The following ST18 variants were observed in gnomAD, a reference collection of about 807,000 sequenced individuals.
The protein encoded by ST18 is suppression of tumorigenicity 18 protein.
In ST18, 50 loss-of-function variants were observed where a neutral mutation model predicts 110.0. The observed-to-expected ratio is 0.45, with a 90% CI of 0.36 to 0.58. The LOEUF (loss-of-function observed/expected upper bound fraction) is 0.58, where lower values mean the gene tolerates loss of function less well. ST18 is among the 20% of genes least tolerant of loss of function. The probability of loss-of-function intolerance (pLI) is 0.00; values close to 1 mark genes in which losing one functional copy is unlikely to be tolerated. For synonymous variants in ST18, 461 were observed against 452.4 expected (o/e 1.02, Z -0.24); for missense variants, 1,306 against 1,280.1 (o/e 1.02, Z -0.31).
chr8:52,402,830 G>T (rs1843201643), intron 2 of ST18, among the ~76,000 whole-genome samples: 1 of 152,184 alleles, frequency 6.6e-6, no homozygotes, highest in South Asian at 2.1e-4. Context: ...CAGCTGTTCA[G>T]CCCAGGGGTG....
Position 52,217,842 on chromosome 8 carries a change from A to G in ST18, c.-97T>C, listed in dbSNP as rs1159509331. On this transcript the variant is annotated 5_prime_UTR_variant, in exon 6 of 26. The change abolishes an upstream ATG in the 5' untranslated region. Coordinates refer to ENST00000689386, the MANE Select transcript of ST18 (RefSeq NM_001352837.2). ...GGGGCAATAAGCAGGTCTCTTCCAC[A>G]TCGCCCCAGTGCACAGATCTGGTAC... 1 of 152,330 alleles carries G rather than the reference A, an allele frequency of 6.6e-6. No homozygotes were observed. Among genetic ancestry groups the G allele is most frequent in the South Asian group, 2.1e-4 (1 of 4,822 alleles). The allele number at this position is 152,330 out of a possible 1,614,324, so 9.4% of individuals were successfully genotyped here. A position where few individuals can be genotyped will look rare whatever the true frequency, so the allele number is the denominator to read the frequency against.
At chr8:52,339,871 C>T (rs929572806) in intron 2 of ST18, among the ~76,000 whole-genome samples, 7 of 152,218 alleles carry the variant, frequency 4.6e-5, no homozygotes, top group East Asian at 1.9e-4. Flanking sequence ...TCTCTTCCCA[C>T]GCCTATTAAG....
At chr8:52,232,505 A>G (rs1018705006) in intron 2 of ST18, among the ~76,000 whole-genome samples, 1 of 152,192 alleles carries the variant, frequency 6.6e-6, no homozygotes, top group Non-Finnish European at 1.5e-5. Context: ...TATCAGCCCT[A>G]GTAAATTCTG....
chr8:52,356,750 T>C (rs1412494505), intron 2 of ST18, among the ~76,000 whole-genome samples: 1 of 151,930 alleles, frequency 6.6e-6, no homozygotes, highest in African/African-American at 2.4e-5. Context: ...AAGATAAAAA[T>C]GCCTCACCAA....
chr8:52,209,887 A>T, intron 8 of ST18: 1 of 332,884 alleles, frequency 3.0e-6, no homozygotes, highest in East Asian at 7.4e-5. Context: ...AGCACAGTAA[A>T]CATTTCTTCC....
At chr8:52,296,357 CA>C (rs1437846026) in intron 2 of ST18, 5 of 152,158 alleles carry the variant, frequency 3.3e-5, no homozygotes, top group Non-Finnish European at 1.5e-5. Context: ...TTCTTTGGCC[CA>C]AAGTGCTTTT....
chr8:52,290,258 A>G (rs148528658), intron 2 of ST18, among the ~76,000 whole-genome samples: 100 of 152,218 alleles, frequency 6.6e-4, no homozygotes, highest in African/African-American at 2.3e-3. Context: ...TCTCCTTGAT[A>G]AGTATCCTTA....
chr8:52,110,918 T>G lies in ST18; in HGVS notation c.*2280A>C. Reference sequence around the variant, plus strand: ...TTTGTTGCTTTGATGTAAGAAATATTAAGTGTTTGGAGAAACAGTATACAA... The same window carrying G: ...TTTGTTGCTTTGATGTAAGAAATATGAAGTGTTTGGAGAAACAGTATACAA... On this transcript the variant is annotated 3_prime_UTR_variant, in exon 26 of 26. Transcript: ENST00000689386. 1 of 396,042 alleles carries G rather than the reference T, an allele frequency of 2.5e-6. No individual in the cohort carries two copies. The allele number at this position is 396,042 out of a possible 1,614,324, so 24.5% of individuals were successfully genotyped here. A position where few individuals can be genotyped will look rare whatever the true frequency, so the allele number is the denominator to read the frequency against.
intron 2 of ST18, among the ~76,000 whole-genome samples, chr8:52,322,680 G>A (rs552936545): frequency 6.6e-6 from 1 of 152,248 alleles, no homozygotes; most frequent in African/African-American, 2.4e-5. Context: ...TTCACGTGAA[G>A]GCATTTCTTT....
intron 8 of ST18, among the ~76,000 whole-genome samples, chr8:52,184,862 A>T (rs1350392806): frequency 2.0e-5 from 3 of 152,184 alleles, no homozygotes; most frequent in Non-Finnish European, 4.4e-5. Context: ...TTCATGGAAA[A>T]TTCATAGCAG....
Position 52,158,982 on chromosome 8 carries a change from T to C in ST18, c.1722A>G (p.Ala574=). ...TGGAAAGGTTCAGGATGGCAGCAGC[T>C]GCTGCTATGTGGGTGTCTTCACTAC... ...GQCSEDTHIA[A]AAAILNLSTR... The change falls in exon 15 of 26, where the codon GCA becomes GCG. Residue 574 remains alanine (A), a synonymous_variant. Transcript: ENST00000689386. 6.2e-7 allele frequency: 1 copy of C among 1,614,112 alleles called. No individual in the cohort carries two copies. The highest frequency in any genetic ancestry group is 8.5e-7 in the Non-Finnish European group (1 of 1,179,970).
At chr8:52,123,775 G>T (rs2045932005) in intron 23 of ST18, among the ~76,000 whole-genome samples, 1 of 152,212 alleles carries the variant, frequency 6.6e-6, no homozygotes, top group Non-Finnish European at 1.5e-5. Context: ...CAAGTCTATT[G>T]TGGGTTCAGA....
intron 23 of ST18, chr8:52,125,758 G>C (rs994384620): frequency 6.8e-5 from 21 of 308,330 alleles, no homozygotes; most frequent in African/African-American, 4.5e-4. Flanking sequence ...CCAAAGTGCT[G>C]GGATTACAGG....
chr8:52,294,899 T>A (rs187118057), intron 2 of ST18, among the ~76,000 whole-genome samples: 2 of 152,368 alleles, frequency 1.3e-5, no homozygotes, highest in Admixed American at 6.5e-5. Context: ...GGAGCCATGC[T>A]TATCACCTTC....
intron 16 of ST18, among the ~76,000 whole-genome samples, chr8:52,145,095 G>A (rs956072115): frequency 1.5e-4 from 22 of 150,228 alleles, no homozygotes; most frequent in African/African-American, 4.9e-4. Context: ...AAAGTAAAAA[G>A]AGCCATTTTA....
intron 2 of ST18, among the ~76,000 whole-genome samples, chr8:52,370,392 G>T (rs1364818597): frequency 2.7e-5 from 4 of 147,286 alleles, no homozygotes; most frequent in Non-Finnish European, 4.4e-5. Flanking sequence ...ATGTGTGCGT[G>T]TGTGTGTGCA....
intron 2 of ST18, among the ~76,000 whole-genome samples, chr8:52,237,230 C>T (rs1182801543): frequency 6.6e-6 from 1 of 152,130 alleles, no homozygotes; most frequent in African/African-American, 2.4e-5. Flanking sequence ...CCAGTGTGGG[C>T]GTGGTGAGGA....
At chr8:52,327,272 A>G (rs1414274340) in intron 2 of ST18, among the ~76,000 whole-genome samples, 1 of 152,168 alleles carries the variant, frequency 6.6e-6, no homozygotes, top group Non-Finnish European at 1.5e-5. Flanking sequence ...GTAGAAGTGA[A>G]GTTAGATGCA....
chr8:52,237,712 T>C (rs10504137), intron 2 of ST18, among the ~76,000 whole-genome samples: 35,727 of 152,156 alleles, frequency 0.23, 4,877 homozygotes, highest in African/African-American at 0.37. Context: ...CAGTGATAAA[T>C]GCAATGGGAC....
Sources: allele counts gnomAD v4.1 joint callset (sites outside exome capture counted in the v4.1 genomes callset), GRCh38; gene constraint gnomAD v4.1.1; transcripts MANE v1.5; gene names NCBI Gene and HGNC (gene_info 2026-07-23, HGNC 2026-07-21).